The following CFAP299 variants were observed in gnomAD, a reference collection of about 807,000 sequenced individuals.
CFAP299 encodes the protein cilia- and flagella-associated protein 299.
A neutral mutation model predicts 27.0 loss-of-function variants in CFAP299; 21 were observed. That is an observed-to-expected ratio of 0.78 (90% CI 0.55 to 1.12). The LOEUF is 1.12. Among genes scored for constraint, CFAP299 ranks in the 50% most tolerant of loss-of-function variants. The pLI is 0.00. For synonymous variants in CFAP299, 104 were observed against 98.1 expected, an observed-to-expected ratio of 1.06 and a Z score of -0.36; for missense variants, 310 against 276.6, an observed-to-expected ratio of 1.12 and a Z score of -0.86.
rs1560642990 is a variant in CFAP299 at position 80,591,119 on chromosome 4, T to TA, written c.333+7936_333+7937insA. 9.4e-4 allele frequency among the ~76,000 whole-genome samples: 130 copies of TA among 138,374 alleles called. 1 individual carries two copies. Among genetic ancestry groups the TA allele is most frequent in the Middle Eastern group, 3.5e-3 (1 of 284 alleles). The allele number at this position is 138,374 out of a possible 152,430, so 90.8% of individuals were successfully genotyped here. On this transcript the variant is annotated intron_variant, in intron 3 of 5. Transcript: ENST00000358105. Reference sequence around the variant, plus strand: ...TACTTTAGGAAATTTTTTTTTTTTTTTTTTTTTTTTTTATTTTTTTTTGAG... The same window carrying TA: ...TACTTTAGGAAATTTTTTTTTTTTTTATTTTTTTTTTTTATTTTTTTTTGAG...
chr4:80,335,267 C>G (rs1261417645), upstream of CFAP299, among the ~76,000 whole-genome samples: 1 of 152,124 alleles, frequency 6.6e-6, no homozygotes, highest in African/African-American at 2.4e-5. Flanking sequence ...TTCTTGTACA[C>G]AAACATTAGC....
At chr4:80,513,364 G>A (rs964871109) in intron 2 of CFAP299, among the ~76,000 whole-genome samples, 1 of 152,128 alleles carries the variant, frequency 6.6e-6, no homozygotes, top group Non-Finnish European at 1.5e-5. Context: ...CTTGTTTGCT[G>A]TATAACACAG....
chr4:80,377,084 A>C (rs1387814556), intron 2 of CFAP299, among the ~76,000 whole-genome samples: 1 of 152,094 alleles, frequency 6.6e-6, no homozygotes, highest in Non-Finnish European at 1.5e-5. Flanking sequence ...TTTCCTTAAT[A>C]GTGTCTTTTG....
chr4:80,620,775 G>T (rs1481057773), intron 3 of CFAP299, among the ~76,000 whole-genome samples: 1 of 152,114 alleles, frequency 6.6e-6, no homozygotes. Context: ...GAGTAAAGCA[G>T]ATCTGGGTTC....
At position 80,662,479 on chromosome 4, in the gene CFAP299, T is replaced by C. The variant is rs182563490; in HGVS notation, c.333+79296T>C. ...AATATCAGTAAGGGTGGATAGAGGA[T>C]AATAGGCATCTCAGGGGAGGTAAGT... On this transcript the variant is annotated intron_variant, in intron 3 of 5. Transcript: ENST00000358105. Among the ~76,000 whole-genome samples the C allele has an allele frequency of 2.4e-3, 362 of 151,620 alleles. 1 individual carries two copies. Among genetic ancestry groups the C allele is most frequent in the African/African-American group, 8.3e-3 (344 of 41,326 alleles).
chr4:80,608,007 T>C (rs1369758912), intron 3 of CFAP299, among the ~76,000 whole-genome samples: 1 of 152,160 alleles, frequency 6.6e-6, no homozygotes, highest in Non-Finnish European at 1.5e-5. Flanking sequence ...GAATGTAGTG[T>C]AGTGGAGACA....
intron 3 of CFAP299, among the ~76,000 whole-genome samples, chr4:80,804,791 G>C (rs911583880): frequency 2.1e-4 from 32 of 152,034 alleles, no homozygotes; most frequent in Admixed American, 2.6e-4. Context: ...TTTACAGATA[G>C]GATTAATTAC....
Position 80,386,518 on chromosome 4 carries a change from G to C in CFAP299, c.242+23634G>C, listed in dbSNP as rs575580604. Reference sequence around the variant, plus strand: ...CTCTTCTCGCGGGCGGTGGTGGGGGGGGGGGGTGCCGCCGGGTTTGCAGGT... The same window carrying C: ...CTCTTCTCGCGGGCGGTGGTGGGGGCGGGGGGTGCCGCCGGGTTTGCAGGT... On this transcript the variant is annotated intron_variant, in intron 2 of 5. Coordinates refer to ENST00000358105, the MANE Select transcript of CFAP299 (RefSeq NM_152770.3). 32 of 1,491,926 alleles carry C rather than the reference G, an allele frequency of 2.1e-5. No homozygotes were observed. The African/African-American group carries it at 3.2e-4, about 15-fold the overall frequency. 92.4% of individuals were successfully genotyped at this position (1,491,926 alleles called of 1,614,324 possible).
intron 4 of CFAP299, among the ~76,000 whole-genome samples, chr4:80,942,570 A>G (rs1249721080): frequency 6.6e-6 from 1 of 152,184 alleles, no homozygotes; most frequent in Non-Finnish European, 1.5e-5. Flanking sequence ...TTGATGAAAC[A>G]ACCAAAATGT....
At chr4:80,560,004 G>T (rs1734961465) in intron 2 of CFAP299, among the ~76,000 whole-genome samples, 1 of 152,234 alleles carries the variant, frequency 6.6e-6, no homozygotes, top group South Asian at 2.1e-4. Context: ...GGACAGCCAA[G>T]GGAGTGCTGG....
chr4:80,322,129 G>A, the CFAP299 span, among the ~76,000 whole-genome samples: 1 of 152,192 alleles, frequency 6.6e-6, no homozygotes, highest in South Asian at 2.1e-4. Context: ...GGTTACCCTG[G>A]CCCCAGTAAG....
intron 3 of CFAP299, among the ~76,000 whole-genome samples, chr4:80,778,815 A>G (rs1560747072): frequency 6.6e-6 from 1 of 152,102 alleles, no homozygotes; most frequent in Non-Finnish European, 1.5e-5. Flanking sequence ...TACAAGCAGT[A>G]TATTGTCATT....
chr4:80,779,765 T>C (rs1179958231), intron 3 of CFAP299, among the ~76,000 whole-genome samples: 4 of 152,062 alleles, frequency 2.6e-5, no homozygotes, highest in Non-Finnish European at 2.9e-5. Context: ...TTGGCACTGT[T>C]GTGTCTTCTC....
chr4:80,360,913 GA>G (rs1723512765), intron 1 of CFAP299, among the ~76,000 whole-genome samples: 1 of 152,080 alleles, frequency 6.6e-6, no homozygotes, highest in Non-Finnish European at 1.5e-5. Context: ...TGGGGGTTGG[GA>G]AAAAGTTGTG....
In CFAP299 at chr4:80,665,197, A is replaced by G. The variant is rs540731943; in HGVS notation, c.333+82014A>G. Among the ~76,000 whole-genome samples the G allele has an allele frequency of 2.0e-5, 3 of 152,280 alleles. No homozygotes were observed. In the South Asian group the frequency reaches 6.2e-4, roughly 32 times the overall value. On this transcript the variant is annotated intron_variant, in intron 3 of 5. Transcript: ENST00000358105. ...TGGCCATCTTGCCAGCCACTGAGAT[A>G]TGTTTTAATTTATTTTCTGTATATT...
At chr4:80,393,117 T>A (rs1173825984) in intron 2 of CFAP299, among the ~76,000 whole-genome samples, 1 of 152,138 alleles carries the variant, frequency 6.6e-6, no homozygotes, top group Non-Finnish European at 1.5e-5. Flanking sequence ...TATGTCTTAG[T>A]TTTTTAACAA....
chr4:80,505,090 A>C (rs984660021), intron 2 of CFAP299, among the ~76,000 whole-genome samples: 1 of 150,092 alleles, frequency 6.7e-6, no homozygotes, highest in African/African-American at 2.4e-5. Flanking sequence ...GATATAACAG[A>C]TATCTATATA....
rs1725140422 is a variant in CFAP299, at chr4:80,388,411, T to C, written c.242+25527T>C. 3 of 741,958 alleles carry C rather than the reference T, an allele frequency of 4.0e-6. No individual in the cohort carries two copies. In the Admixed American group the frequency reaches 5.8e-5, roughly 14 times the overall value. The allele number at this position is 741,958 out of a possible 1,614,324, so 46.0% of individuals were successfully genotyped here. ...GCGAGGCCTGCTGGACCGCTGTGGG[T>C]GCTGCCGAAGGTGTGTAGATTGTGT... is the stretch of plus-strand genomic sequence containing the variant. On this transcript the variant is annotated intron_variant, in intron 2 of 5. Coordinates refer to ENST00000358105, the MANE Select transcript of CFAP299 (RefSeq NM_152770.3).
chr4:80,686,876 A>G (rs1560697871), intron 3 of CFAP299, among the ~76,000 whole-genome samples: 1 of 152,172 alleles, frequency 6.6e-6, no homozygotes, highest in Non-Finnish European at 1.5e-5. Context: ...TTCCAGCTGA[A>G]ACCTCCTGAC....
Sources: gnomAD v4.1 joint callset for allele counts (sites outside exome capture counted in the v4.1 genomes callset) on GRCh38, gnomAD v4.1.1 for gene constraint, MANE v1.5 for transcripts, NCBI Gene and HGNC (gene_info 2026-07-23, HGNC 2026-07-21) for gene names.